The following RPS6KC1 variants were observed in gnomAD, a reference collection of about 807,000 sequenced individuals.
RPS6KC1 encodes the protein inactive ribosomal protein S6 kinase delta-1.
Under a neutral mutation model 103.8 loss-of-function variants are expected in RPS6KC1, and 54 were observed. That is an observed-to-expected ratio of 0.52 (90% CI 0.42 to 0.65). RPS6KC1 has a LOEUF of 0.65. RPS6KC1 is among the 30% of genes least tolerant of loss of function. The pLI is 0.00. For missense variants in RPS6KC1, 1,151 were observed against 1,253.8 expected (o/e 0.92, Z 1.24); for synonymous variants, 439 against 438.7 (o/e 1.00, Z -0.01).
the RPS6KC1 span, among the ~76,000 whole-genome samples, chr1:213,759,359 T>C: frequency 6.6e-6 from 1 of 152,232 alleles, no homozygotes; most frequent in Non-Finnish European, 1.5e-5. Context: ...AAAAAGTTCA[T>C]GTGACTTGCT....
chr1:213,537,965 G>A, the RPS6KC1 span, among the ~76,000 whole-genome samples: 1 of 152,146 alleles, frequency 6.6e-6, no homozygotes, highest in Non-Finnish European at 1.5e-5. Flanking sequence ...CCTCATTGTA[G>A]GAGGGAAGCC....
At chr1:213,332,769 A>G in the RPS6KC1 span, among the ~76,000 whole-genome samples, 1 of 152,150 alleles carries the variant, frequency 6.6e-6, no homozygotes, top group Non-Finnish European at 1.5e-5. Flanking sequence ...TGCTGGCAGG[A>G]CAACTTCTTC....
the RPS6KC1 span, among the ~76,000 whole-genome samples, chr1:213,485,544 A>T: frequency 6.6e-6 from 1 of 152,324 alleles, no homozygotes; most frequent in African/African-American, 2.4e-5. Flanking sequence ...TTTCCTCTAC[A>T]GTCCATCAGC....
chr1:213,338,275 A>C, the RPS6KC1 span, among the ~76,000 whole-genome samples: 1 of 152,118 alleles, frequency 6.6e-6, no homozygotes, highest in African/African-American at 2.4e-5. Flanking sequence ...TCACTACACC[A>C]CGGGGCCTGG....
the RPS6KC1 span, among the ~76,000 whole-genome samples, chr1:213,657,811 C>T: frequency 1.3e-5 from 2 of 152,210 alleles, no homozygotes; most frequent in Non-Finnish European, 2.9e-5. Context: ...TTTTGCTTCT[C>T]AGTTTCCTTT....
the RPS6KC1 span, among the ~76,000 whole-genome samples, chr1:213,559,809 T>C: frequency 1.3e-5 from 2 of 152,202 alleles, no homozygotes; most frequent in African/African-American, 4.8e-5. Flanking sequence ...ATTTTAATAA[T>C]ATATTTTACT....
chr1:213,723,912 A>G, the RPS6KC1 span, among the ~76,000 whole-genome samples: 1 of 142,682 alleles, frequency 7.0e-6, no homozygotes, highest in Non-Finnish European at 1.5e-5. Context: ...AAGCCTATGG[A>G]GGAAGTTAAA....
At chr1:213,195,245 A>G (rs999771925) in intron 8 of RPS6KC1, among the ~76,000 whole-genome samples, 1 of 152,196 alleles carries the variant, frequency 6.6e-6, no homozygotes, top group African/African-American at 2.4e-5. Context: ...ACAATTGATA[A>G]GATGACATAG....
chr1:213,659,571 T>A, the RPS6KC1 span, among the ~76,000 whole-genome samples: 4 of 151,950 alleles, frequency 2.6e-5, no homozygotes, highest in Non-Finnish European at 5.9e-5. Flanking sequence ...GGAAAGTTGC[T>A]ACAACATTTA....
chr1:213,157,352 G>T (rs569082790), intron 6 of RPS6KC1, among the ~76,000 whole-genome samples: 4 of 151,930 alleles, frequency 2.6e-5, no homozygotes, highest in Admixed American at 2.0e-4. Context: ...GACTACAAGT[G>T]CCTGCCACCA....
At chr1:213,433,768 C>G in the RPS6KC1 span, among the ~76,000 whole-genome samples, 6 of 152,112 alleles carry the variant, frequency 3.9e-5, no homozygotes, top group Non-Finnish European at 7.4e-5. Flanking sequence ...AGTATCTATT[C>G]AAATCTTTTG....
the RPS6KC1 span, among the ~76,000 whole-genome samples, chr1:213,511,599 C>T: frequency 1.3e-5 from 2 of 152,170 alleles, no homozygotes; most frequent in African/African-American, 2.4e-5. Context: ...ACAATAAGGC[C>T]GGTATAATCC....
the RPS6KC1 span, among the ~76,000 whole-genome samples, chr1:213,432,750 T>C: frequency 4.1e-4 from 19 of 45,938 alleles, no homozygotes; most frequent in African/African-American, 7.9e-4. Context: ...ATCATTTCCC[T>C]TTTTTTTTTT....
At chr1:213,552,211 A>T in the RPS6KC1 span, among the ~76,000 whole-genome samples, 2 of 152,260 alleles carry the variant, frequency 1.3e-5, no homozygotes, top group African/African-American at 2.4e-5. Context: ...CCTTTGGGTA[A>T]ATACCAAGTG....
the RPS6KC1 span, among the ~76,000 whole-genome samples, chr1:213,615,682 G>A: frequency 6.6e-6 from 1 of 152,360 alleles, no homozygotes; most frequent in Admixed American, 6.5e-5. Flanking sequence ...TCCACAGAAC[G>A]CGCCATCTGG....
chr1:213,334,160 C>T, the RPS6KC1 span, among the ~76,000 whole-genome samples: 1 of 152,166 alleles, frequency 6.6e-6, no homozygotes, highest in Non-Finnish European at 1.5e-5. Context: ...TAATGCTTCA[C>T]ATGAATGAAC....
At chr1:213,217,824 C>G (rs797010774) in intron 8 of RPS6KC1, among the ~76,000 whole-genome samples, 7 of 152,204 alleles carry the variant, frequency 4.6e-5, no homozygotes, top group Middle Eastern at 3.4e-3. Context: ...ATTCAACAAC[C>G]CTTCATGCTA....
chr1:213,654,335 T>G, the RPS6KC1 span, among the ~76,000 whole-genome samples: 1 of 152,168 alleles, frequency 6.6e-6, no homozygotes. Flanking sequence ...GCGTTCAACT[T>G]GTCAAGTAAC....
chr1:213,413,928 AG>A, the RPS6KC1 span, among the ~76,000 whole-genome samples: 509 of 152,316 alleles, frequency 3.3e-3, 3 homozygotes, highest in African/African-American at 0.012. Context: ...AGGAGACCAC[AG>A]GGGAAGCTAA....
Sources: allele counts gnomAD v4.1 joint callset (sites outside exome capture counted in the v4.1 genomes callset), GRCh38; gene constraint gnomAD v4.1.1; transcripts MANE v1.5; gene names NCBI Gene and HGNC (gene_info 2026-07-23, HGNC 2026-07-21).